Variants in XRN1 observed in about 807,000 individuals in gnomAD.
The protein encoded by XRN1 is 5'-3' exoribonuclease 1.
Under a neutral mutation model 222.3 loss-of-function variants are expected in XRN1, and 67 were observed. The ratio of observed to expected loss-of-function variants is 0.30; its 90% confidence interval spans 0.25 to 0.37. The LOEUF (loss-of-function observed/expected upper bound fraction) is 0.37. XRN1 is among the 10% of genes least tolerant of loss of function. The pLI, the probability that XRN1 is intolerant of heterozygous loss-of-function variation, is 1.00. For missense variants in XRN1, 1,707 were observed against 2,000.2 expected, an observed-to-expected ratio of 0.85 and a Z score of 2.80; for synonymous variants, 643 against 652.4, an observed-to-expected ratio of 0.99 and a Z score of 0.22.
At position 142,362,573 on chromosome 3, in the gene XRN1, T is replaced by C. The variant is rs377121000; in HGVS notation, c.3394+2474A>G. On this transcript the variant is annotated intron_variant, in intron 29 of 40. Coordinates refer to ENST00000392981, the MANE Select transcript of XRN1 (RefSeq NM_001282857.2). ...CAGGCATGAGTGCCCGGCCTTTTTT[T>C]CTTCGTCCCCCCTACCCCCGCCCCC... Among the ~76,000 whole-genome samples the C allele has an allele frequency of 3.3e-5, 5 of 149,528 alleles. No homozygotes were observed. The East Asian group carries it at 8.1e-4, about 24-fold the overall frequency.
At chr3:142,404,487 C>T (rs532871251) in intron 16 of XRN1, among the ~76,000 whole-genome samples, 1 of 152,174 alleles carries the variant, frequency 6.6e-6, no homozygotes, top group South Asian at 2.1e-4. Flanking sequence ...AAAAATGGAG[C>T]TCTTTATTTC....
intron 5 of XRN1, 71 bp from the exon 6 acceptor site, chr3:142,423,713 A>C: frequency 2.6e-6 from 3 of 1,175,094 alleles, no homozygotes; most frequent in Non-Finnish European, 2.3e-6. Context: ...AAAAGCAATT[A>C]AAAAACAATT....
In XRN1 at chr3:142,405,051, G is replaced by A; in HGVS notation, c.1739C>T (p.Thr580Ile). 6.2e-7 allele frequency: 1 copy of A among 1,613,930 alleles called. No homozygotes were observed. Among genetic ancestry groups the A allele is most frequent in the Non-Finnish European group, 8.5e-7 (1 of 1,179,880 alleles). ...DEKRLLEAME[T>I]CNHSLKKEER... Reference sequence around the variant, plus strand: ...TTCCTTTTTGAGGGAGTGGTTACATGTCTCCATGGCTTCCAATAATCGCTT... The same window carrying A: ...TTCCTTTTTGAGGGAGTGGTTACATATCTCCATGGCTTCCAATAATCGCTT... Residue 580 changes from threonine (T) to isoleucine (I), a missense_variant, in exon 16 of 41, where the codon ACA becomes ATA. Physicochemically the swap from Thr to Ile is moderately conservative, Grantham distance 89. This residue lies in a region of XRN1 where 1,234 missense variants were observed against 1,518.2 expected (regional missense o/e 0.81). Transcript: ENST00000392981.
chr3:142,443,630 C>T (rs2070356344), intron 1 of XRN1, among the ~76,000 whole-genome samples: 1 of 152,194 alleles, frequency 6.6e-6, no homozygotes, highest in African/African-American at 2.4e-5. Flanking sequence ...CACTCTATGT[C>T]ACTCTATTAA....
intron 37 of XRN1, among the ~76,000 whole-genome samples, 179 bp downstream of exon 37, chr3:142,329,255 C>G (rs1577229303): frequency 6.6e-6 from 1 of 152,098 alleles, no homozygotes; most frequent in East Asian, 1.9e-4. Flanking sequence ...CTGTCAGCTT[C>G]TCTTAGGGCT....
intron 29 of XRN1, among the ~76,000 whole-genome samples, chr3:142,363,681 G>A (rs1226591669): frequency 1.3e-5 from 2 of 151,486 alleles, no homozygotes; most frequent in East Asian, 3.9e-4. Context: ...CTCTAGCTTT[G>A]TAAATTTTAC....
intron 1 of XRN1, among the ~76,000 whole-genome samples, chr3:142,435,781 A>G (rs1395126909): frequency 7.1e-6 from 1 of 141,626 alleles, no homozygotes; most frequent in African/African-American, 2.7e-5. Context: ...AAAAAAAAAA[A>G]GGCCAGGTGC....
At chr3:142,317,315 A>T (rs1033891468) in intron 39 of XRN1, among the ~76,000 whole-genome samples, 1 of 152,012 alleles carries the variant, frequency 6.6e-6, no homozygotes, top group African/African-American at 2.4e-5. Context: ...ATAAGGTGGG[A>T]GCTGGATCTG....
intron 37 of XRN1, among the ~76,000 whole-genome samples, chr3:142,324,283 C>G (rs1443916367): frequency 8.1e-6 from 1 of 122,964 alleles, no homozygotes; most frequent in Admixed American, 9.9e-5. Context: ...GTGTGATGTT[C>G]CCCTTCCTGT....
At chr3:142,404,212 T>C (rs2108031736) in intron 16 of XRN1, among the ~76,000 whole-genome samples, 1 of 152,174 alleles carries the variant, frequency 6.6e-6, no homozygotes, top group Non-Finnish European at 1.5e-5. Flanking sequence ...ATTTTCCCCA[T>C]TAATCTAAAA....
intron 1 of XRN1, among the ~76,000 whole-genome samples, chr3:142,438,023 T>G (rs1046937057): frequency 4.6e-5 from 7 of 152,124 alleles, no homozygotes; most frequent in African/African-American, 1.7e-4. Flanking sequence ...AAAATGGCCT[T>G]TATCCAAAAG....
At chr3:142,376,001 C>CAG (rs1553729273) in intron 24 of XRN1, 57 bp from the exon 25 acceptor site, 2 of 1,488,610 alleles carry the variant, frequency 1.3e-6, no homozygotes, top group East Asian at 4.9e-5. Context: ...CACACACACA[C>CAG]GAGTTTTAAA....
chr3:142,347,251 T>G lies in XRN1; in HGVS notation c.3860A>C (p.His1287Pro). ...AAACTTACATTTTCTGTGAGGGTCA[T>G]GTTTTCTTTGCTGATATTTAACACT... is the stretch of plus-strand genomic sequence containing the variant. The part of the protein sequence containing the change: ...DNSVKYQQRK[H>P]DPHRKFKEEC... The change falls in exon 33 of 41, where the codon CAT (histidine) becomes CCT (proline). Residue 1287 changes from histidine to proline, a missense_variant. By Grantham distance (77) the His-to-Pro change is moderately conservative. Around this residue, in one of 2 missense-constraint regions of XRN1, gnomAD observed 473 missense variants for 482.0 expected, o/e 0.98. Transcript: ENST00000392981. The G allele has an allele frequency of 6.2e-7, 1 of 1,604,886 alleles. No homozygotes were observed. Among genetic ancestry groups the G allele is most frequent in the African/African-American group, 1.3e-5 (1 of 74,740 alleles).
chr3:142,324,506 T>C (rs1346352385), intron 37 of XRN1, among the ~76,000 whole-genome samples: 6 of 152,078 alleles, frequency 3.9e-5, no homozygotes, highest in African/African-American at 9.7e-5. Flanking sequence ...TGTTGGACAA[T>C]TGGGTTGGTT....
chr3:142,355,023 TTGGGGACACA>T (rs923409245), intron 32 of XRN1, among the ~76,000 whole-genome samples: 2 of 149,260 alleles, frequency 1.3e-5, no homozygotes, highest in Non-Finnish European at 3.0e-5. Context: ...GAGCTAAGCA[TTGGGGACACA>T]TGGTCATAAA....
rs538911756 is a variant in XRN1 at position 142,353,528 on chromosome 3, G to A, written c.3768+1873C>T. ...AGAATAGAGAACCCAGAAATAAAAT[G>A]GCATACTTACAACCACCTGATTTTT... is the stretch of plus-strand genomic sequence containing the variant. On this transcript the variant is annotated intron_variant, in intron 32 of 40. Coordinates refer to ENST00000392981, the MANE Select transcript of XRN1 (RefSeq NM_001282857.2). 2.0e-5 allele frequency among the ~76,000 whole-genome samples: 3 copies of A among 152,204 alleles called. No homozygotes were observed. The East Asian group carries it at 5.8e-4, about 29-fold the overall frequency.
chr3:142,446,679 A>G (rs1284579088), intron 1 of XRN1, among the ~76,000 whole-genome samples: 1 of 152,246 alleles, frequency 6.6e-6, no homozygotes, highest in Non-Finnish European at 1.5e-5. Context: ...AAGAAAAGCC[A>G]AAGTTGGTTG....
chr3:142,384,862 C>G (rs917381397), intron 20 of XRN1, among the ~76,000 whole-genome samples, 177 bp from the exon 21 acceptor site: 12 of 152,236 alleles, frequency 7.9e-5, no homozygotes, highest in African/African-American at 2.9e-4. Context: ...ATTTATTTTA[C>G]TCTGTGGGTA....
chr3:142,383,973 A>T (rs1230947592), intron 21 of XRN1, among the ~76,000 whole-genome samples: 2 of 151,668 alleles, frequency 1.3e-5, no homozygotes, highest in African/African-American at 4.8e-5. Flanking sequence ...CTAAGTCCTT[A>T]AAAAAAACCA....
Sources: gnomAD v4.1 joint callset for allele counts (sites outside exome capture counted in the v4.1 genomes callset) on GRCh38, gnomAD v4.1.1 for gene constraint, gnomAD v4.1.1 regional missense constraint, MANE v1.5 for transcripts, NCBI Gene and HGNC (gene_info 2026-07-23, HGNC 2026-07-21) for gene names.